Variants in SV2B observed in about 807,000 individuals in gnomAD.
SV2B encodes the protein solute carrier family 22 member B2.
Under a neutral mutation model 73.9 loss-of-function variants are expected in SV2B, and 41 were observed. The observed-to-expected ratio is 0.56, with a 90% CI of 0.43 to 0.72. SV2B has a LOEUF of 0.72. Among genes scored for constraint, SV2B ranks in the 30% least tolerant of loss-of-function variants. The probability of loss-of-function intolerance (pLI) is 0.00; values close to 1 mark genes in which losing one functional copy is unlikely to be tolerated. For synonymous variants in SV2B, 314 were observed against 314.2 expected (o/e 1.00, Z 0.01); for missense variants, 764 against 857.8 (o/e 0.89, Z 1.37).
rs1291838904 is a variant in SV2B at position 91,252,304 on chromosome 15, G to A, written c.633-65G>A. 1.9e-6 allele frequency: 3 copies of A among 1,547,338 alleles called. No individual in the cohort carries two copies. The Admixed American group carries it at 5.6e-5, about 29-fold the overall frequency. ...CCTAAGGTGGGGTATAGGCAACTTG[G>A]TTTCTGCTGTGACCATTTTTAGTGT... On this transcript the variant is annotated intron_variant, in intron 3 of 12. Transcript: ENST00000394232. The surrounding 1 kb of genome is among the most constrained non-coding windows in gnomAD (Gnocchi z 4.6).
rs1437348144 is a variant in SV2B at position 91,281,873 on chromosome 15, C to G, written c.1507+12C>G. 1 of 1,599,438 alleles carries G rather than the reference C, an allele frequency of 6.3e-7. No homozygotes were observed. The highest frequency in any genetic ancestry group is 1.3e-5 in the African/African-American group (1 of 74,420). ...CTTTTACAACACAGGTAGGTAAGAA[C>G]ATTGACAGATTGAATAGAAAGTAAC... On this transcript the variant is annotated intron_variant, in intron 10 of 12. Coordinates refer to ENST00000394232, the MANE Select transcript of SV2B (RefSeq NM_001323032.3). This position sits in a 1 kb window ranked among gnomAD's most constrained non-coding sequence, Gnocchi z 4.7.
In SV2B at chr15:91,280,481, T is replaced by C. The variant is rs187008187; in HGVS notation, c.1374-1247T>C. On this transcript the variant is annotated intron_variant, in intron 9 of 12. Transcript: ENST00000394232. The surrounding 1 kb of genome is among the most constrained non-coding windows in gnomAD (Gnocchi z 5.8). ...CTCAGTGTTTGCAGAAGACTAAATA[T>C]GTAAGTGAATGAATAGAAGAATGAA... is the stretch of plus-strand genomic sequence containing the variant. 1.7e-3 allele frequency among the ~76,000 whole-genome samples: 263 copies of C among 152,348 alleles called. No homozygotes were observed. The highest frequency in any genetic ancestry group is 4.6e-3 in the African/African-American group (191 of 41,580).
rs2046904955 is a variant in SV2B, at chr15:91,239,125, C to T, written c.451+12411C>T. Among the ~76,000 whole-genome samples, 1 of 152,072 alleles carries T rather than the reference C, an allele frequency of 6.6e-6. No individual in the cohort carries two copies. Among genetic ancestry groups the T allele is most frequent in the Admixed American group, 6.5e-5 (1 of 15,272 alleles). The stretch of plus-strand genomic sequence containing the variant: ...ATAGAAGGTCCTGGAAATGTAATAG[C>T]CTTTGAAATGCCCCATGGGGTCCAC... On this transcript the variant is annotated intron_variant, in intron 2 of 12. Coordinates refer to ENST00000394232, the MANE Select transcript of SV2B (RefSeq NM_001323032.3). This position sits in a 1 kb window ranked among gnomAD's most constrained non-coding sequence, Gnocchi z 5.1.
rs535833211 is a variant in SV2B at position 91,265,781 on chromosome 15, G to A, written c.1009-801G>A. ...TCCAGGAGGCTCACAGTGTGGTCAT[G>A]TCCTTGACATTTCTGGGAAGAGAGC... On this transcript the variant is annotated intron_variant, in intron 6 of 12. Transcript: ENST00000394232. This position sits in a 1 kb window ranked among gnomAD's most constrained non-coding sequence, Gnocchi z 4.2. Among the ~76,000 whole-genome samples, 36 of 152,372 alleles carry A rather than the reference G, an allele frequency of 2.4e-4. No individual in the cohort carries two copies. Among genetic ancestry groups the A allele is most frequent in the African/African-American group, 7.5e-4 (31 of 41,588 alleles).
intron 2 of SV2B, among the ~76,000 whole-genome samples, chr15:91,228,241 A>T (rs1258110692): frequency 1.3e-5 from 2 of 152,194 alleles, no homozygotes; most frequent in African/African-American, 4.8e-5. Context: ...GAGACAGAGT[A>T]TATGCAAACA....
intron 2 of SV2B, among the ~76,000 whole-genome samples, chr15:91,247,714 G>C (rs1254120206): frequency 6.6e-6 from 1 of 152,110 alleles, no homozygotes; most frequent in African/African-American, 2.4e-5. Flanking sequence ...AAACCTACAG[G>C]GAACAGAAAG....
intron 1 of SV2B, chr15:91,101,830 C>T (rs1479635954): frequency 6.6e-6 from 1 of 152,198 alleles, no homozygotes; most frequent in Non-Finnish European, 1.5e-5. Flanking sequence ...CACAGGCTGA[C>T]ACCCAGAGAG....
Position 91,214,551 on chromosome 15 carries a change from C to A in SV2B, c.-391-11322C>A, listed in dbSNP as rs1173496703. ...GAAACTGAAGCTTAAGGTTCAGAAA[C>A]CTGCTCTGATTCACAGAACTTGCGA... On this transcript the variant is annotated intron_variant, in intron 1 of 12. Transcript: ENST00000394232. This position sits in a 1 kb window ranked among gnomAD's most constrained non-coding sequence, Gnocchi z 4.7. 6.6e-6 allele frequency among the ~76,000 whole-genome samples: 1 copy of A among 152,204 alleles called. No homozygotes were observed. The highest frequency in any genetic ancestry group is 6.5e-5 in the Admixed American group (1 of 15,288).
At chr15:91,154,011 C>G (rs1008002470) in intron 1 of SV2B, among the ~76,000 whole-genome samples, 1 of 151,602 alleles carries the variant, frequency 6.6e-6, no homozygotes, top group Admixed American at 6.6e-5. Flanking sequence ...GGCCACTGTT[C>G]TCATCTCTGG....
intron 1 of SV2B, among the ~76,000 whole-genome samples, chr15:91,181,281 T>C (rs1234030030): frequency 6.6e-6 from 1 of 151,346 alleles, no homozygotes; most frequent in East Asian, 2.0e-4. Flanking sequence ...TACCCGGCCA[T>C]ATGAGGTGTC....
Position 91,231,791 on chromosome 15 carries a change from G to A in SV2B, c.451+5077G>A, listed in dbSNP as rs1468456309. Among the ~76,000 whole-genome samples the A allele has an allele frequency of 1.3e-5, 2 of 152,126 alleles. No homozygotes were observed. Among genetic ancestry groups the A allele is most frequent in the African/African-American group, 4.8e-5 (2 of 41,426 alleles). On this transcript the variant is annotated intron_variant, in intron 2 of 12. Coordinates refer to ENST00000394232, the MANE Select transcript of SV2B (RefSeq NM_001323032.3). The surrounding 1 kb of genome is among the most constrained non-coding windows in gnomAD (Gnocchi z 4.5). ...GACTTGTGTATTTTATTGGCTGTTA[G>A]TTTCTTGCCGTCTGCAGTGAAAAGA...
intron 1 of SV2B, among the ~76,000 whole-genome samples, chr15:91,146,214 T>C (rs1285863327): frequency 6.6e-6 from 1 of 152,250 alleles, no homozygotes; most frequent in East Asian, 1.9e-4. Flanking sequence ...TAGCCAGTTA[T>C]CCCAGCACCA....
intron 1 of SV2B, among the ~76,000 whole-genome samples, chr15:91,166,026 A>T (rs1270670025): frequency 1.3e-5 from 2 of 152,212 alleles, no homozygotes; most frequent in African/African-American, 4.8e-5. Context: ...AGCACTTAAA[A>T]AGGTTCCATT....
chr15:91,160,500 G>A (rs867065490), intron 1 of SV2B, among the ~76,000 whole-genome samples: 1 of 152,092 alleles, frequency 6.6e-6, no homozygotes, highest in African/African-American at 2.4e-5. Flanking sequence ...CCCAGCTACT[G>A]GGGAGGCTGA....
At chr15:91,273,210 C>T (rs1158454729) in intron 9 of SV2B, among the ~76,000 whole-genome samples, 1 of 152,076 alleles carries the variant, frequency 6.6e-6, no homozygotes, top group Non-Finnish European at 1.5e-5. Flanking sequence ...CAGTGGTGGG[C>T]CAGGTCAATG....
intron 1 of SV2B, among the ~76,000 whole-genome samples, chr15:91,181,329 G>T (rs2044550027): frequency 1.3e-5 from 2 of 151,990 alleles, no homozygotes; most frequent in South Asian, 4.1e-4. Flanking sequence ...CAGTTAGGCT[G>T]CTCGGGGGTC....
chr15:91,158,712 TCCTC>T (rs2043596766), intron 1 of SV2B, among the ~76,000 whole-genome samples: 2 of 96,414 alleles, frequency 2.1e-5, no homozygotes, highest in Admixed American at 1.1e-4. Context: ...TCCTCTCCTC[TCCTC>T]TCCTCTCCTC....
chr15:91,140,059 G>A lies in SV2B; in HGVS notation c.-392+39696G>A, dbSNP rs375271267. Among the ~76,000 whole-genome samples the A allele has an allele frequency of 6.6e-6, 1 of 152,160 alleles. No homozygotes were observed. The highest frequency in any genetic ancestry group is 1.9e-4 in the East Asian group (1 of 5,188). On this transcript the variant is annotated intron_variant, in intron 1 of 12. Transcript: ENST00000394232. This position sits in a 1 kb window ranked among gnomAD's most constrained non-coding sequence, Gnocchi z 4.4. ...GCTTGCTAGAAATGCAGGCTCTTGG[G>A]TCCTGACCCAGACATAATAAATCAG...
rs923606269 is a variant in SV2B at position 91,242,221 on chromosome 15, T to A, written c.452-9598T>A. Among the ~76,000 whole-genome samples, 4 of 152,254 alleles carry A rather than the reference T, an allele frequency of 2.6e-5. No homozygotes were observed. Among genetic ancestry groups the A allele is most frequent in the African/African-American group, 9.6e-5 (4 of 41,464 alleles). ...TCCTTCTTGTTCTCCATCACTGGTC[T>A]CTCTTCATATTCCTGGCCTTTAAAT... On this transcript the variant is annotated intron_variant, in intron 2 of 12. Transcript: ENST00000394232. The surrounding 1 kb of genome is among the most constrained non-coding windows in gnomAD (Gnocchi z 4.9).
Sources: gnomAD v4.1 joint callset for allele counts (sites outside exome capture counted in the v4.1 genomes callset) on GRCh38, gnomAD v4.1.1 for gene constraint, Gnocchi (gnomAD v3.1) non-coding constraint, MANE v1.5 for transcripts, NCBI Gene and HGNC (gene_info 2026-07-23, HGNC 2026-07-21) for gene names.